Variants in INVS observed in about 807,000 individuals in gnomAD.
INVS encodes inversion of embryo turning homolog.
A neutral mutation model predicts 108.8 loss-of-function variants in INVS; 86 were observed. The observed-to-expected ratio is 0.79, with a 90% CI of 0.66 to 0.95. The LOEUF is 0.95. INVS is among the 40% of genes least tolerant of loss of function. The pLI is 0.00. For missense variants in INVS, 1,169 were observed against 1,297.4 expected (o/e 0.90, Z 1.52); for synonymous variants, 455 against 473.5 (o/e 0.96, Z 0.51).
At chr9:100,100,187 T>TA (rs1216777281) in intron 1 of INVS, among the ~76,000 whole-genome samples, 4 of 151,948 alleles carry the variant, frequency 2.6e-5, no homozygotes, top group Non-Finnish European at 5.9e-5. Context: ...CTTTTTTCTA[T>TA]AAAAAATGAT....
intron 9 of INVS, 111 bp downstream of exon 9, chr9:100,252,549 G>T: frequency 9.8e-7 from 1 of 1,020,452 alleles, no homozygotes; most frequent in Non-Finnish European, 1.5e-6. Flanking sequence ...GTACAAGGAT[G>T]AAGGGATGAT....
chr9:100,188,819 G>C (rs1364191461), intron 3 of INVS, among the ~76,000 whole-genome samples: 1 of 151,632 alleles, frequency 6.6e-6, no homozygotes, highest in Non-Finnish European at 1.5e-5. Flanking sequence ...TCTGACCTTG[G>C]GCGTTTTTTG....
At chr9:100,101,471 A>G (rs2118805712) in intron 1 of INVS, 1 of 152,230 alleles carries the variant, frequency 6.6e-6, no homozygotes, top group Admixed American at 6.5e-5. Context: ...TTCTTCTGAC[A>G]TGACTGTTAG....
intron 3 of INVS, among the ~76,000 whole-genome samples, chr9:100,135,158 T>TTATTTAAAAAATGATATTTTTTAAA (rs1828183038): frequency 6.6e-6 from 1 of 152,190 alleles, no homozygotes; most frequent in Non-Finnish European, 1.5e-5. Context: ...TTCTCAATTT[T>TTATTTAAAAAATGATATTTTTTAAA]TAAAGTATTA....
chr9:100,174,182 G>A (rs1471015135), intron 3 of INVS, among the ~76,000 whole-genome samples: 2 of 152,174 alleles, frequency 1.3e-5, no homozygotes, highest in Non-Finnish European at 2.9e-5. Flanking sequence ...ATTTAAAGCA[G>A]GTCTTTTAAC....
At chr9:100,143,521 G>A (rs1202522245) in intron 3 of INVS, among the ~76,000 whole-genome samples, 1 of 152,024 alleles carries the variant, frequency 6.6e-6, no homozygotes, top group African/African-American at 2.4e-5. Flanking sequence ...GGGAGTAGGG[G>A]TGTCTTATAC....
At chr9:100,252,524 C>A in intron 9 of INVS, 86 bp downstream of exon 9, 1 of 1,220,474 alleles carries the variant, frequency 8.2e-7, no homozygotes, top group Non-Finnish European at 1.2e-6. Context: ...CTTTCCTTAG[C>A]AGAAAGCTGC....
At chr9:100,192,059 GCT>G (rs1453118493) in intron 3 of INVS, among the ~76,000 whole-genome samples, 1 of 152,094 alleles carries the variant, frequency 6.6e-6, no homozygotes, top group Non-Finnish European at 1.5e-5. Context: ...TTTCCATCTG[GCT>G]CACAGGGTAG....
At chr9:100,300,320 G>T (rs965276397) in intron 16 of INVS, among the ~76,000 whole-genome samples, 1 of 152,190 alleles carries the variant, frequency 6.6e-6, no homozygotes, top group Non-Finnish European at 1.5e-5. Flanking sequence ...TGAAGACCGA[G>T]GTTCTGGTAC....
At chr9:100,279,164 T>A (rs377409136) in intron 12 of INVS, among the ~76,000 whole-genome samples, 14 of 152,320 alleles carry the variant, frequency 9.2e-5, no homozygotes, top group Middle Eastern at 6.8e-3. Flanking sequence ...CCGGATTGAA[T>A]AATGTGGATT....
At chr9:100,177,770 G>A (rs1225681926) in intron 3 of INVS, among the ~76,000 whole-genome samples, 3 of 152,216 alleles carry the variant, frequency 2.0e-5, no homozygotes, top group Non-Finnish European at 2.9e-5. Flanking sequence ...CAGCGCTCGA[G>A]CTCTGCTAAG....
At chr9:100,147,080 T>C (rs1205487351) in intron 3 of INVS, among the ~76,000 whole-genome samples, 1 of 152,244 alleles carries the variant, frequency 6.6e-6, no homozygotes. Context: ...CATTCTCTTC[T>C]TTCCCCTTTA....
intron 2 of INVS, among the ~76,000 whole-genome samples, chr9:100,124,299 T>C (rs1827817142): frequency 6.6e-6 from 1 of 152,020 alleles, no homozygotes; most frequent in African/African-American, 2.4e-5. Context: ...AGAAGCCTTA[T>C]CACTAATTAG....
At chr9:100,189,282 G>A (rs1027063127) in intron 3 of INVS, among the ~76,000 whole-genome samples, 1 of 151,068 alleles carries the variant, frequency 6.6e-6, no homozygotes, top group African/African-American at 2.4e-5. Flanking sequence ...GCTAGTTTGG[G>A]TTTTTGTTTG....
intron 3 of INVS, among the ~76,000 whole-genome samples, chr9:100,225,505 TA>T (rs1831288768): frequency 6.6e-6 from 1 of 152,232 alleles, no homozygotes; most frequent in African/African-American, 2.4e-5. Flanking sequence ...AATTGGGATT[TA>T]ACATCTCTGC....
At chr9:100,217,417 T>C (rs915980012) in intron 3 of INVS, among the ~76,000 whole-genome samples, 5 of 152,146 alleles carry the variant, frequency 3.3e-5, no homozygotes, top group African/African-American at 7.2e-5. Context: ...TACAAGGTAA[T>C]AAGTTAGCTG....
Position 100,133,927 on chromosome 9 carries a change from A to G in INVS, c.273+7378A>G, listed in dbSNP as rs1828136909. Among the ~76,000 whole-genome samples the G allele has an allele frequency of 2.0e-5, 3 of 152,172 alleles. No individual in the cohort carries two copies. The South Asian group carries it at 6.2e-4, about 32-fold the overall frequency. On this transcript the variant is annotated intron_variant, in intron 3 of 16. Coordinates refer to ENST00000262457, the MANE Select transcript of INVS (RefSeq NM_014425.5). ...ATGATAGTTTTATTTAGAAAAGCAA[A>G]CATTCCTTTTTTTAACTTCTATTTT...
intron 13 of INVS, among the ~76,000 whole-genome samples, chr9:100,288,907 TGTTA>T (rs1032299884): frequency 1.3e-5 from 2 of 152,124 alleles, no homozygotes; most frequent in African/African-American, 2.4e-5. Context: ...ATTTTATAAG[TGTTA>T]GTTATTGTGT....
In INVS at chr9:100,154,331, A is replaced by ATTTTTTTTTTTTTTTTTTT. The variant is rs780090630; in HGVS notation, c.273+27792_273+27810dup. ...AGGTGTGTGCCACCACAACCGACTA[A>ATTTTTTTTTTTTTTTTTTT]TTTTTTTTTTTTTTTTTTTTTTTTT... On this transcript the variant is annotated intron_variant, in intron 3 of 16. Transcript: ENST00000262457. 1.7e-3 allele frequency among the ~76,000 whole-genome samples: 117 copies of ATTTTTTTTTTTTTTTTTTT among 68,572 alleles called. 13 individuals carry two copies. Among genetic ancestry groups the ATTTTTTTTTTTTTTTTTTT allele is most frequent in the African/African-American group, 6.1e-3 (79 of 12,994 alleles). The allele number at this position is 68,572 out of a possible 152,430, so 45.0% of individuals were successfully genotyped here. A position where few individuals can be genotyped will look rare whatever the true frequency, so the allele number is the denominator to read the frequency against.
Sources: gnomAD v4.1 joint callset for allele counts (sites outside exome capture counted in the v4.1 genomes callset) on GRCh38, gnomAD v4.1.1 for gene constraint, MANE v1.5 for transcripts, NCBI Gene and HGNC (gene_info 2026-07-23, HGNC 2026-07-21) for gene names.